Variants in WWOX observed in about 807,000 individuals in gnomAD.
WWOX encodes the protein WW domain-containing oxidoreductase.
WWOX carries 69 observed loss-of-function variants against 46.2 expected under a neutral mutation model. That is an observed-to-expected ratio of 1.49 (90% CI 1.23 to 1.82). The LOEUF is 1.82. WWOX is among the 40% of genes most tolerant of loss of function. WWOX has a pLI of 0.00. For missense variants in WWOX, 919 were observed against 542.6 expected (o/e 1.69, Z -6.89); for synonymous variants, 359 against 202.6 (o/e 1.77, Z -6.56).
intron 5 of WWOX, among the ~76,000 whole-genome samples, chr16:78,341,956 G>GAA (rs34393752): frequency 0.11 from 12,022 of 113,104 alleles, 3,512 homozygotes; most frequent in East Asian, 0.21. Context: ...TCTCTACTTG[G>GAA]AAAAAAAAAA....
At chr16:78,482,967 G>A (rs559100620) in intron 8 of WWOX, among the ~76,000 whole-genome samples, 1 of 152,234 alleles carries the variant, frequency 6.6e-6, no homozygotes, top group South Asian at 2.1e-4. Flanking sequence ...GGGGCACTGA[G>A]ATCTATGCAT....
chr16:78,702,045 A>ATAT (rs1491253055), intron 8 of WWOX, among the ~76,000 whole-genome samples: 7 of 121,968 alleles, frequency 5.7e-5, no homozygotes, highest in African/African-American at 1.4e-4. Flanking sequence ...ATATATATAT[A>ATAT]AAATAATGCA....
intron 8 of WWOX, among the ~76,000 whole-genome samples, chr16:78,913,350 A>T (rs72806738): frequency 0.031 from 4,675 of 152,078 alleles, 140 homozygotes; most frequent in Middle Eastern, 0.051. Context: ...AGGTGCAGCC[A>T]TGTGCCTGAG....
chr16:78,888,622 G>T (rs1157499106), intron 8 of WWOX, among the ~76,000 whole-genome samples: 1 of 152,100 alleles, frequency 6.6e-6, no homozygotes. Context: ...ATGTGTCCCT[G>T]CTGACCGAGC....
chr16:78,494,623 G>A lies in WWOX; in HGVS notation c.1056+61871G>A, dbSNP rs540815548. On this transcript the variant is annotated intron_variant, in intron 8 of 8. Coordinates refer to ENST00000566780, the MANE Select transcript of WWOX (RefSeq NM_016373.4). ...GAGTCTTCTGTGTGAACCCCACACA[G>A]GTACCTTGGAAAGACTGCATCTCCT... Among the ~76,000 whole-genome samples the A allele has an allele frequency of 1.6e-4, 24 of 152,276 alleles. No individual in the cohort carries two copies. The South Asian group carries it at 5.0e-3, about 32-fold the overall frequency.
At chr16:79,161,486 T>C (rs1188402105) in intron 8 of WWOX, among the ~76,000 whole-genome samples, 1 of 151,938 alleles carries the variant, frequency 6.6e-6, no homozygotes, top group South Asian at 2.1e-4. Context: ...GAAATGAAAA[T>C]GTTTCTGAAT....
intron 4 of WWOX, among the ~76,000 whole-genome samples, chr16:78,127,838 G>T (rs1259693639): frequency 6.6e-6 from 1 of 152,138 alleles, no homozygotes; most frequent in Non-Finnish European, 1.5e-5. Context: ...AGTTTTATTG[G>T]CGTCTACTGG....
chr16:78,254,702 AT>A (rs1455714100), intron 5 of WWOX, among the ~76,000 whole-genome samples: 1 of 151,018 alleles, frequency 6.6e-6, no homozygotes, highest in Non-Finnish European at 1.5e-5. Context: ...TAATTTTTAT[AT>A]TTTTTGGTAG....
At chr16:78,152,868 A>G (rs949885682) in intron 4 of WWOX, among the ~76,000 whole-genome samples, 2 of 151,774 alleles carry the variant, frequency 1.3e-5, no homozygotes, top group Non-Finnish European at 2.9e-5. Context: ...GATATTCCAC[A>G]TGAACTGACC....
chr16:78,940,899 T>C (rs1383816837), intron 8 of WWOX, among the ~76,000 whole-genome samples: 1 of 152,064 alleles, frequency 6.6e-6, no homozygotes, highest in Admixed American at 6.5e-5. Context: ...ACTCTTCATG[T>C]CTATGCTGTC....
intron 8 of WWOX, among the ~76,000 whole-genome samples, chr16:79,146,993 G>A (rs1385539936): frequency 6.6e-6 from 1 of 152,156 alleles, no homozygotes; most frequent in Non-Finnish European, 1.5e-5. Context: ...TCTTAGCTCA[G>A]TTTCCCCCAG....
chr16:78,463,084 T>A (rs1465159217), intron 8 of WWOX, among the ~76,000 whole-genome samples: 4 of 152,236 alleles, frequency 2.6e-5, no homozygotes, highest in African/African-American at 9.6e-5. Flanking sequence ...GGCAGGTCTT[T>A]GTTTCATGTC....
chr16:78,581,166 A>G (rs1404318035), intron 8 of WWOX, among the ~76,000 whole-genome samples: 3 of 152,186 alleles, frequency 2.0e-5, no homozygotes, highest in Non-Finnish European at 2.9e-5. Flanking sequence ...AAGTGTTTTA[A>G]AAATATTTAC....
chr16:78,682,181 C>A (rs1392972938), intron 8 of WWOX, among the ~76,000 whole-genome samples: 2 of 152,186 alleles, frequency 1.3e-5, no homozygotes, highest in East Asian at 1.9e-4. Context: ...ACCTACAAAT[C>A]AGGATCTGCT....
intron 8 of WWOX, among the ~76,000 whole-genome samples, chr16:78,919,165 TA>T (rs2045319044): frequency 2.0e-5 from 3 of 152,024 alleles, no homozygotes; most frequent in Non-Finnish European, 4.4e-5. Context: ...ATACTTTGAG[TA>T]ACTATTACAT....
intron 8 of WWOX, among the ~76,000 whole-genome samples, chr16:79,042,731 T>TG (rs1325955038): frequency 2.6e-5 from 4 of 151,420 alleles, no homozygotes; most frequent in Middle Eastern, 3.4e-3. Context: ...ACTCAGGGTT[T>TG]TTTTTTTTTT....
intron 8 of WWOX, among the ~76,000 whole-genome samples, chr16:79,075,554 T>C (rs930172583): frequency 1.3e-5 from 2 of 151,624 alleles, no homozygotes; most frequent in East Asian, 3.9e-4. Context: ...TCTCTCTCTT[T>C]TTTTTTTTCT....
intron 8 of WWOX, among the ~76,000 whole-genome samples, chr16:78,908,378 A>G (rs1243743546): frequency 3.3e-5 from 5 of 152,048 alleles, no homozygotes; most frequent in Admixed American, 2.0e-4. Context: ...CATCCCTACT[A>G]AAGATACTAA....
chr16:78,691,871 T>C (rs1256893966), intron 8 of WWOX, among the ~76,000 whole-genome samples: 3 of 152,182 alleles, frequency 2.0e-5, no homozygotes, highest in Admixed American at 6.5e-5. Context: ...CCACATGTTG[T>C]GGGAGGGACC....
Sources: gnomAD v4.1 joint callset for allele counts (sites outside exome capture counted in the v4.1 genomes callset) on GRCh38, gnomAD v4.1.1 for gene constraint, MANE v1.5 for transcripts, NCBI Gene and HGNC (gene_info 2026-07-23, HGNC 2026-07-21) for gene names.